The following EPHB1 variants were observed in gnomAD, a reference collection of about 807,000 sequenced individuals.
EPHB1 encodes the protein ephrin type-B receptor 1.
Under a neutral mutation model 94.4 loss-of-function variants are expected in EPHB1, and 30 were observed. The observed-to-expected ratio is 0.32, with a 90% confidence interval of 0.24 to 0.43. The LOEUF (loss-of-function observed/expected upper bound fraction) is 0.43, where lower values mean the gene tolerates loss of function less well. EPHB1 is among the 20% of genes least tolerant of loss of function. EPHB1 has a pLI of 1.00. For missense variants in EPHB1, 1,055 were observed against 1,308.3 expected, an observed-to-expected ratio of 0.81 and a Z score of 2.99; for synonymous variants, 522 against 489.1, an observed-to-expected ratio of 1.07 and a Z score of -0.89.
At chr3:135,248,253 A>ATT in intron 13 of EPHB1, 63 bp from the exon 14 acceptor site, 1 of 1,447,620 alleles carries the variant, frequency 6.9e-7, no homozygotes, top group Middle Eastern at 2.3e-4. Context: ...AAAGGGGATA[A>ATT]TTTGTGAGTG....
intron 3 of EPHB1, among the ~76,000 whole-genome samples, chr3:135,047,984 T>C (rs1275808356): frequency 6.6e-6 from 1 of 152,090 alleles, no homozygotes; most frequent in Non-Finnish European, 1.5e-5. Context: ...TGGACATTTG[T>C]GGGTTACAAA....
intron 3 of EPHB1, among the ~76,000 whole-genome samples, chr3:134,956,545 A>G (rs1055957241): frequency 1.3e-5 from 2 of 152,042 alleles, no homozygotes; most frequent in Admixed American, 1.3e-4. Context: ...TGGGGCTGTC[A>G]TGCACAGGAG....
intron 1 of EPHB1, among the ~76,000 whole-genome samples, chr3:134,923,551 T>A (rs1165873123): frequency 1.3e-5 from 2 of 152,084 alleles, no homozygotes; most frequent in Non-Finnish European, 2.9e-5. Context: ...CTCCCTCACC[T>A]CCCTAGGATG....
rs375095666 is a variant in EPHB1 at position 135,192,840 on chromosome 3, G to T, written c.2130+17G>T. The T allele has an allele frequency of 3.4e-5, 54 of 1,608,644 alleles. No individual in the cohort carries two copies. In the African/African-American group the frequency reaches 4.3e-4, roughly 13 times the overall value. ...TTCCTCAGGGTAAGAGCAACTCAGG[G>T]GTTTGATGATGCACTTGGATGCAGG... On this transcript the variant is annotated intron_variant, in intron 11 of 15. Coordinates refer to ENST00000398015, the MANE Select transcript of EPHB1 (RefSeq NM_004441.5).
chr3:135,056,251 G>C (rs1254227860), intron 3 of EPHB1, among the ~76,000 whole-genome samples: 1 of 152,210 alleles, frequency 6.6e-6, no homozygotes, highest in Non-Finnish European at 1.5e-5. Flanking sequence ...GCTCCCTTCT[G>C]TGGAGCTGGT....
At chr3:135,020,988 T>A (rs1245246446) in intron 3 of EPHB1, among the ~76,000 whole-genome samples, 1 of 152,232 alleles carries the variant, frequency 6.6e-6, no homozygotes, top group Non-Finnish European at 1.5e-5. Flanking sequence ...TTTATTAAGT[T>A]CTTAAATGTA....
chr3:134,846,173 CTG>C (rs1410095323), intron 1 of EPHB1, among the ~76,000 whole-genome samples: 2 of 152,312 alleles, frequency 1.3e-5, no homozygotes, highest in African/African-American at 4.8e-5. Context: ...CAAGTTTTCT[CTG>C]TGTGTTCACC....
chr3:135,224,215 AT>A (rs869281604), intron 12 of EPHB1, among the ~76,000 whole-genome samples: 1 of 152,340 alleles, frequency 6.6e-6, no homozygotes, highest in South Asian at 2.1e-4. Context: ...ATCTAACAAC[AT>A]GTTTCTCAGA....
At chr3:135,160,854 G>A (rs1941484637) in intron 6 of EPHB1, among the ~76,000 whole-genome samples, 1 of 152,140 alleles carries the variant, frequency 6.6e-6, no homozygotes, top group African/African-American at 2.4e-5. Flanking sequence ...GGGAGTAGAG[G>A]AGCCCTGGAG....
At chr3:135,145,440 T>G (rs1940980831) in intron 5 of EPHB1, among the ~76,000 whole-genome samples, 1 of 152,178 alleles carries the variant, frequency 6.6e-6, no homozygotes, top group African/African-American at 2.4e-5. Context: ...TGGAGACTGC[T>G]CAGCATTGTT....
intron 12 of EPHB1, among the ~76,000 whole-genome samples, chr3:135,234,926 C>T (rs1434699189): frequency 6.6e-6 from 1 of 152,162 alleles, no homozygotes; most frequent in Non-Finnish European, 1.5e-5. Flanking sequence ...GTAACACAGC[C>T]AAACCATATC....
At chr3:135,018,300 G>A (rs143321727) in intron 3 of EPHB1, among the ~76,000 whole-genome samples, 3 of 152,194 alleles carry the variant, frequency 2.0e-5, no homozygotes, top group Admixed American at 6.5e-5. Flanking sequence ...CTACTATGAT[G>A]GGGGTGCTGA....
At chr3:135,121,880 A>G (rs1001524494) in intron 4 of EPHB1, among the ~76,000 whole-genome samples, 1 of 151,034 alleles carries the variant, frequency 6.6e-6, no homozygotes, top group Non-Finnish European at 1.5e-5. Flanking sequence ...ATGGAAAGGG[A>G]CTCCCAGATA....
At chr3:134,938,004 G>C (rs1395253864) in intron 2 of EPHB1, among the ~76,000 whole-genome samples, 4 of 150,678 alleles carry the variant, frequency 2.7e-5, no homozygotes, top group African/African-American at 9.8e-5. Context: ...TTGGGGAAAT[G>C]GGAAAGGAGG....
chr3:134,959,616 C>G (rs1933425396), intron 3 of EPHB1, among the ~76,000 whole-genome samples: 1 of 152,182 alleles, frequency 6.6e-6, no homozygotes, highest in South Asian at 2.1e-4. Context: ...TCACCACCTC[C>G]TTTTTAATCC....
intron 3 of EPHB1, among the ~76,000 whole-genome samples, chr3:135,039,650 C>T (rs888427423): frequency 1.3e-5 from 2 of 152,226 alleles, no homozygotes; most frequent in African/African-American, 2.4e-5. Flanking sequence ...ACTCAGTACA[C>T]CCTCCGCAGC....
At chr3:135,025,457 C>T (rs1364105035) in intron 3 of EPHB1, among the ~76,000 whole-genome samples, 1 of 89,672 alleles carries the variant, frequency 1.1e-5, no homozygotes, top group South Asian at 5.3e-4. Context: ...TGAGAATATG[C>T]GGTGTTTGGT....
chr3:135,140,414 T>A (rs1006858330), intron 5 of EPHB1, among the ~76,000 whole-genome samples: 1 of 152,210 alleles, frequency 6.6e-6, no homozygotes, highest in Non-Finnish European at 1.5e-5. Flanking sequence ...ACCTGAAATA[T>A]AGAAAGCAAT....
At chr3:135,137,453 A>AG (rs1940661559) in intron 5 of EPHB1, among the ~76,000 whole-genome samples, 1 of 152,214 alleles carries the variant, frequency 6.6e-6, no homozygotes, top group Admixed American at 6.5e-5. Flanking sequence ...TCTGATTCAG[A>AG]GGGTGAATCT....
Sources: allele counts gnomAD v4.1 joint callset (sites outside exome capture counted in the v4.1 genomes callset), GRCh38; gene constraint gnomAD v4.1.1; transcripts MANE v1.5; gene names NCBI Gene and HGNC (gene_info 2026-07-23, HGNC 2026-07-21).